The following ACTR3 variants were observed in gnomAD, a reference collection of about 807,000 sequenced individuals.
ACTR3 encodes the protein actin related protein 3.
A neutral mutation model predicts 56.8 loss-of-function variants in ACTR3; 12 were observed. The observed-to-expected ratio is 0.21, with a 90% CI of 0.14 to 0.34. ACTR3 has a LOEUF of 0.34. ACTR3 is among the 10% of genes least tolerant of loss of function. ACTR3 has a pLI of 1.00. For synonymous variants in ACTR3, 162 were observed against 167.4 expected (o/e 0.97, Z 0.25); for missense variants, 282 against 512.5 (o/e 0.55, Z 4.34).
chr2:113,956,852 T>C (rs56114409), intron 11 of ACTR3, among the ~76,000 whole-genome samples: 14,104 of 152,226 alleles, frequency 0.093, 1,071 homozygotes, highest in African/African-American at 0.2. Flanking sequence ...CTAGTTGAGT[T>C]TGTGACTTTG....
intron 1 of ACTR3, among the ~76,000 whole-genome samples, chr2:113,891,456 AGAGAATAGACT>A (rs201745534): frequency 0.02 from 3,047 of 152,242 alleles, 64 homozygotes; most frequent in Non-Finnish European, 0.032. Context: ...ATAACTGCAT[AGAGAATAGACT>A]ACCCTTATTT....
At chr2:113,915,991 T>A (rs1177995104) in intron 2 of ACTR3, among the ~76,000 whole-genome samples, 1 of 152,210 alleles carries the variant, frequency 6.6e-6, no homozygotes, top group African/African-American at 2.4e-5. Context: ...TACATGCATA[T>A]TTATTTTTAG....
chr2:113,933,620 T>G (rs1204545871), intron 5 of ACTR3, among the ~76,000 whole-genome samples: 4 of 152,142 alleles, frequency 2.6e-5, no homozygotes, highest in Admixed American at 2.6e-4. Flanking sequence ...CATTGCAGTT[T>G]GTAACAGGCC....
chr2:113,948,443 C>T (rs1490453324), intron 8 of ACTR3, among the ~76,000 whole-genome samples: 2 of 152,172 alleles, frequency 1.3e-5, no homozygotes, highest in African/African-American at 4.8e-5. Context: ...AGCCACTGTG[C>T]CCAGCCCTGT....
chr2:113,940,231 TTAAATA>T, intron 7 of ACTR3, 129 bp downstream of exon 7: 2 of 676,242 alleles, frequency 3.0e-6, no homozygotes, highest in African/African-American at 3.8e-5. Context: ...ATTATTACCC[TTAAATA>T]TATTTACATT....
intron 8 of ACTR3, among the ~76,000 whole-genome samples, chr2:113,949,377 CAAAAAAAAAAA>C (rs1167037648): frequency 3.5e-5 from 2 of 57,720 alleles, no homozygotes; most frequent in Non-Finnish European, 3.3e-5. Context: ...GACTCGGTCT[CAAAAAAAAAAA>C]AAAAAGAAAA....
chr2:113,928,440 A>G (rs556296605), intron 4 of ACTR3, among the ~76,000 whole-genome samples: 1 of 152,330 alleles, frequency 6.6e-6, no homozygotes, highest in African/African-American at 2.4e-5. Context: ...TCATTTGTGT[A>G]TGGTTATTCT....
Position 113,957,547 on chromosome 2 carries a change from T to A in ACTR3, c.*92T>A. 1.1e-6 allele frequency: 1 copy of A among 933,154 alleles called. No homozygotes were observed. Among genetic ancestry groups the A allele is most frequent in the Non-Finnish European group, 1.7e-6 (1 of 581,990 alleles). The allele number at this position is 933,154 out of a possible 1,614,324, so 57.8% of individuals were successfully genotyped here. On this transcript the variant is annotated 3_prime_UTR_variant, in exon 12 of 12. Transcript: ENST00000263238. ...GTCTGGATGGCTGGTTTTGAGGTTT[T>A]AAACCTGACTTGAAATAGTAACACC...
rs371867071 is a variant in ACTR3, at chr2:113,934,338, C to T, written c.492C>T (p.Thr164=). The part of the protein sequence containing the change: ...TSRQVGERTL[T]GTVIDSGDGV... ...GACAAGTAGGAGAACGGACGTTGAC[C>T]GGTACGGTAATAGACAGTGGAGATG... is the stretch of plus-strand genomic sequence containing the variant. Residue 164 remains threonine, a synonymous_variant, in exon 6 of 12, where the codon ACC becomes ACT. Coordinates refer to ENST00000263238, the MANE Select transcript of ACTR3 (RefSeq NM_005721.5). 116 of 1,609,292 alleles carry T rather than the reference C, an allele frequency of 7.2e-5. No homozygotes were observed. Among genetic ancestry groups the T allele is most frequent in the Non-Finnish European group, 9.5e-5 (112 of 1,178,526 alleles).
At chr2:113,936,204 A>T (rs2104614104) in intron 6 of ACTR3, among the ~76,000 whole-genome samples, 1 of 151,470 alleles carries the variant, frequency 6.6e-6, no homozygotes, top group East Asian at 2.0e-4. Flanking sequence ...AGGAGGGAAG[A>T]TAACCTGACC....
intron 3 of ACTR3, among the ~76,000 whole-genome samples, chr2:113,921,175 G>T (rs1289659041): frequency 2.0e-5 from 3 of 152,016 alleles, no homozygotes; most frequent in Non-Finnish European, 4.4e-5. Flanking sequence ...ACTATGGTGA[G>T]ACGGTATTTC....
At chr2:113,890,890 C>A in intron 1 of ACTR3, 1 of 627,982 alleles carries the variant, frequency 1.6e-6, no homozygotes, top group Non-Finnish European at 2.0e-6. Context: ...TTTGACCACC[C>A]ACCTTCTCCT....
chr2:113,902,021 A>G (rs1005915151), intron 1 of ACTR3, among the ~76,000 whole-genome samples: 6 of 152,266 alleles, frequency 3.9e-5, no homozygotes, highest in Non-Finnish European at 5.9e-5. Flanking sequence ...GGTACAATCA[A>G]TAATATAACA....
At chr2:113,899,760 C>T (rs1256848030) in intron 1 of ACTR3, among the ~76,000 whole-genome samples, 1 of 152,088 alleles carries the variant, frequency 6.6e-6, no homozygotes, top group Admixed American at 6.5e-5. Flanking sequence ...CAAGTGATAG[C>T]GTCCTGCATG....
At chr2:113,890,408 G>C (rs1559448898) in intron 1 of ACTR3, 85 bp downstream of exon 1, 4 of 1,381,396 alleles carry the variant, frequency 2.9e-6, no homozygotes, top group East Asian at 2.7e-5. Flanking sequence ...GAAATGAATG[G>C]TGCGGCGAGG....
chr2:113,932,561 C>G (rs886506619), intron 5 of ACTR3, among the ~76,000 whole-genome samples: 3 of 151,970 alleles, frequency 2.0e-5, no homozygotes, highest in African/African-American at 7.3e-5. Context: ...ATTATTTAAT[C>G]TCTGTTCTGT....
intron 1 of ACTR3, among the ~76,000 whole-genome samples, chr2:113,903,097 C>A (rs545588726): frequency 6.6e-6 from 1 of 152,286 alleles, no homozygotes; most frequent in East Asian, 1.9e-4. Context: ...AGTACTTATT[C>A]ATCTTATAAC....
rs572597301 is a variant in ACTR3, at chr2:113,890,506, C to T, written c.44+183C>T. On this transcript the variant is annotated intron_variant, in intron 1 of 11. Coordinates refer to ENST00000263238, the MANE Select transcript of ACTR3 (RefSeq NM_005721.5). ...GCCTCGCGGGTCCCCTCGTTTCTCCCTCCTGGGACTGGGGCGGGGGCGCGG... is the reference window on the plus strand; with the variant it reads ...GCCTCGCGGGTCCCCTCGTTTCTCCTTCCTGGGACTGGGGCGGGGGCGCGG... The T allele has an allele frequency of 4.0e-4, 536 of 1,341,834 alleles. 3 individuals are homozygous for T. In the African/African-American group the frequency reaches 7.1e-3, roughly 18 times the overall value. 83.1% of individuals were successfully genotyped at this position (1,341,834 alleles called of 1,614,324 possible).
rs367962330 is a variant in ACTR3, at chr2:113,957,419, T to C, written c.1221T>C (p.Ile407=). 44 of 1,613,320 alleles carry C rather than the reference T, an allele frequency of 2.7e-5. No individual in the cohort carries two copies. In the Middle Eastern group the frequency reaches 8.2e-4, roughly 30 times the overall value. The part of the protein sequence containing the change: ...KKDYEEIGPS[I]CRHNPVFGVM... ...ATTATGAAGAAATTGGACCTAGCAT[T>C]TGTCGTCACAATCCAGTGTTTGGAG... Residue 407 remains isoleucine (I), a synonymous_variant, in exon 12 of 12, where the codon ATT becomes ATC. Transcript: ENST00000263238.
Sources: allele counts gnomAD v4.1 joint callset (sites outside exome capture counted in the v4.1 genomes callset), GRCh38; gene constraint gnomAD v4.1.1; transcripts MANE v1.5; gene names NCBI Gene and HGNC (gene_info 2026-07-23, HGNC 2026-07-21).